ATG101: variants seen among roughly 807,000 people sequenced by gnomAD.
ATG101 encodes autophagy related 101.
In ATG101, 6 loss-of-function variants were observed where a neutral mutation model predicts 16.7. That is an observed-to-expected ratio of 0.36 (90% CI 0.20 to 0.71). The LOEUF (loss-of-function observed/expected upper bound fraction) is 0.71. Ranked by LOEUF, ATG101 falls within the 30% of genes least tolerant of loss-of-function variation. The pLI is 0.57. For synonymous variants in ATG101, 108 were observed against 118.1 expected, an observed-to-expected ratio of 0.91 and a Z score of 0.56; for missense variants, 200 against 292.5, an observed-to-expected ratio of 0.68 and a Z score of 2.31.
At chr12:52,068,922 C>A (rs1939584912), upstream of ATG101, among the ~76,000 whole-genome samples, 2 of 132,374 alleles carry the variant, frequency 1.5e-5, no homozygotes, top group South Asian at 5.1e-4. Context: ...ACCCAGGAGG[C>A]GGAGCTTGCA....
Position 52,077,404 on chromosome 12 carries a change from A to G in ATG101, c.*214A>G, listed in dbSNP as rs1939751781. The G allele has an allele frequency of 4.9e-6, 3 of 607,686 alleles. No individual in the cohort carries two copies. Among genetic ancestry groups the G allele is most frequent in the African/African-American group, 3.7e-5 (2 of 54,076 alleles). 37.6% of individuals were successfully genotyped at this position (607,686 alleles called of 1,614,324 possible). A position where few individuals can be genotyped will look rare whatever the true frequency, so the allele number is the denominator to read the frequency against. On this transcript the variant is annotated 3_prime_UTR_variant, in exon 4 of 4. Coordinates refer to ENST00000336854, the MANE Select transcript of ATG101 (RefSeq NM_021934.5). ...TCAGTCCTGCCTCTACTGTCTCTCC[A>G]TAGCCCTGGTGGGGTCCCCCTTCTT...
Position 52,074,003 on chromosome 12 carries a change from C to G in ATG101, c.252+101C>G, listed in dbSNP as rs1939693490. ...CAGCTTGGTGTTGAACCAGCCTTCT[C>G]TTCCTGAGTGCGTGAATCGGGTTCT... On this transcript the variant is annotated intron_variant, in intron 3 of 3. Transcript: ENST00000336854. The G allele has an allele frequency of 8.7e-6, 13 of 1,486,048 alleles. No homozygotes were observed. In the South Asian group the frequency reaches 1.6e-4, roughly 19 times the overall value. The allele number at this position is 1,486,048 out of a possible 1,614,324, so 92.1% of individuals were successfully genotyped here.
chr12:52,073,425 TC>T (rs1484742906), intron 2 of ATG101, 149 bp from the exon 3 acceptor site: 1 of 558,118 alleles, frequency 1.8e-6, no homozygotes, highest in East Asian at 3.0e-5. Context: ...CACTTTCTGA[TC>T]CTGAGACTTG....
rs1258304124 is a variant in ATG101, at chr12:52,070,346, G to A, written c.-206-8G>A. On this transcript the variant is annotated splice_region_variant and splice_polypyrimidine_tract_variant and intron_variant, in intron 1 of 3. Transcript: ENST00000336854. ...GGAGCCAAGTAAGTTTTCTGGTTTTGCTTTTAGCTGGTCTCTTGTGGCTCA... is the reference window on the plus strand; with the variant it reads ...GGAGCCAAGTAAGTTTTCTGGTTTTACTTTTAGCTGGTCTCTTGTGGCTCA... The A allele has an allele frequency of 1.3e-5, 2 of 152,458 alleles. No homozygotes were observed. Among genetic ancestry groups the A allele is most frequent in the Admixed American group, 1.3e-4 (2 of 15,290 alleles). The allele number at this position is 152,458 out of a possible 1,614,324, so 9.4% of individuals were successfully genotyped here. A position where few individuals can be genotyped will look rare whatever the true frequency, so the allele number is the denominator to read the frequency against.
rs1315981802 is a variant in ATG101, at chr12:52,076,792, C to G, written c.259C>G (p.Leu87Val). The G allele has an allele frequency of 6.2e-7, 1 of 1,613,550 alleles. No individual in the cohort carries two copies. Residue 87 changes from leucine (L) to valine (V), a missense_variant, in exon 4 of 4, where the codon CTG becomes GTG. Leu to Val is a conservative substitution (Grantham distance 32, BLOSUM62 1). Transcript: ENST00000336854. Reference protein sequence around the residue: ...RKVVGEFKDALRNSGGDGLGQ... With the variant: ...RKVVGEFKDAVRNSGGDGLGQ... ...TTCGTTCCCTTCTTCCCAGGATGCACTGCGCAACTCTGGTGGCGATGGGCT... is the reference window on the plus strand; with the variant it reads ...TTCGTTCCCTTCTTCCCAGGATGCAGTGCGCAACTCTGGTGGCGATGGGCT...
Position 52,076,895 on chromosome 12 carries a change from T to G in ATG101, c.362T>G (p.Val121Gly), listed in dbSNP as rs771014272. The G allele has an allele frequency of 1.2e-6, 2 of 1,614,116 alleles. No homozygotes were observed. ...PFSDECIPWE[V>G]WTVKVHVVAL... The stretch of plus-strand genomic sequence containing the variant: ...TCAGACGAGTGCATCCCATGGGAAG[T>G]GTGGACGGTCAAGGTGCATGTGGTA... Residue 121 changes from valine to glycine, a missense_variant, in exon 4 of 4, where the codon GTG becomes GGG. Transcript: ENST00000336854.
At chr12:52,071,236 A>G (rs910297077) in intron 2 of ATG101, 23 of 152,358 alleles carry the variant, frequency 1.5e-4, no homozygotes, top group African/African-American at 5.3e-4. Context: ...CAACAGTTTA[A>G]AAGGGGCAGA....
Position 52,077,150 on chromosome 12 carries a change from C to T in ATG101, c.617C>T (p.Thr206Ile), listed in dbSNP as rs1411824586. The stretch of plus-strand genomic sequence containing the variant: ...GATGCCCTGGGCACCTCAGTCACCA[C>T]CACCATGCGCAGGCTCATCAAAGAC... The part of the protein sequence containing the change: ...ITDALGTSVT[T>I]TMRRLIKDTL... The change falls in exon 4 of 4, where the codon ACC (threonine) becomes ATC (isoleucine). Residue 206 changes from threonine to isoleucine, a missense_variant. Transcript: ENST00000336854. 6.2e-7 allele frequency: 1 copy of T among 1,614,170 alleles called. No individual in the cohort carries two copies. The highest frequency in any genetic ancestry group is 8.5e-7 in the Non-Finnish European group (1 of 1,180,020).
chr12:52,073,036 C>A (rs1361292129), intron 2 of ATG101, among the ~76,000 whole-genome samples: 1 of 152,144 alleles, frequency 6.6e-6, no homozygotes, highest in African/African-American at 2.4e-5. Context: ...TCCCAAGTTG[C>A]TGGGATTAAT....
intron 3 of ATG101, among the ~76,000 whole-genome samples, chr12:52,075,664 G>A (rs1050648187): frequency 6.6e-6 from 1 of 152,228 alleles, no homozygotes; most frequent in Non-Finnish European, 1.5e-5. Flanking sequence ...CCTAGGAAGA[G>A]GAGTATGGGG....
At chr12:52,071,074 A>G (rs550961051) in intron 2 of ATG101, 9 of 152,252 alleles carry the variant, frequency 5.9e-5, no homozygotes, top group Non-Finnish European at 1.3e-4. Flanking sequence ...TATAAGCAGA[A>G]TATAGGAATT....
chr12:52,073,533 G>C (rs1249303272), intron 2 of ATG101, 42 bp from the exon 3 acceptor site: 6 of 1,295,572 alleles, frequency 4.6e-6, no homozygotes, highest in Non-Finnish European at 6.4e-6. Flanking sequence ...GATAACACGT[G>C]GACTATTCTT....
At position 52,077,313 on chromosome 12, in the gene ATG101, C is replaced by A; in HGVS notation, c.*123C>A. 8.8e-7 allele frequency: 1 copy of A among 1,131,662 alleles called. No individual in the cohort carries two copies. The highest frequency in any genetic ancestry group is 1.2e-6 in the Non-Finnish European group (1 of 812,794). The allele number at this position is 1,131,662 out of a possible 1,614,324, so 70.1% of individuals were successfully genotyped here. A position where few individuals can be genotyped will look rare whatever the true frequency, so the allele number is the denominator to read the frequency against. On this transcript the variant is annotated 3_prime_UTR_variant, in exon 4 of 4. Transcript: ENST00000336854. ...CATTGGTGAGACTTGGAAGGGGCAG[C>A]CCCCGCTGGCTTCTTGGTTTTGTGG...
chr12:52,073,946 A>C (rs1939691497), intron 3 of ATG101, 44 bp downstream of exon 3: 1 of 1,601,114 alleles, frequency 6.2e-7, no homozygotes, highest in Non-Finnish European at 8.5e-7. Context: ...GGCATAGCAG[A>C]TGGCAGGGGG....
At chr12:52,073,114 A>T (rs1022233824) in intron 2 of ATG101, among the ~76,000 whole-genome samples, 2 of 152,156 alleles carry the variant, frequency 1.3e-5, no homozygotes, top group African/African-American at 4.8e-5. Flanking sequence ...TTAGTGATGC[A>T]TTGACTCTTC....
Position 52,077,226 on chromosome 12 carries a change from C to A in ATG101, c.*36C>A, listed in dbSNP as rs755165570. ...ATCTCTGGGAGCTCCTTGATGGCTC[C>A]CAGACCTTGGCTTTTGGGAATTGCA... On this transcript the variant is annotated 3_prime_UTR_variant, in exon 4 of 4. Coordinates refer to ENST00000336854, the MANE Select transcript of ATG101 (RefSeq NM_021934.5). The A allele has an allele frequency of 1.3e-6, 2 of 1,594,596 alleles. No homozygotes were observed. The highest frequency in any genetic ancestry group is 1.7e-6 in the Non-Finnish European group (2 of 1,167,812).
chr12:52,065,457 G>A (rs187346739), upstream of ATG101, among the ~76,000 whole-genome samples: 1 of 152,308 alleles, frequency 6.6e-6, no homozygotes, highest in Non-Finnish European at 1.5e-5. Flanking sequence ...ATCATCAGAG[G>A]TAGGGGCATA....
chr12:52,067,169 G>T (rs1358940157), upstream of ATG101, among the ~76,000 whole-genome samples: 1 of 152,182 alleles, frequency 6.6e-6, no homozygotes, highest in Admixed American at 6.5e-5. Flanking sequence ...AGGTTTCGAA[G>T]AACTGAATGG....
intron 3 of ATG101, among the ~76,000 whole-genome samples, chr12:52,074,740 C>T (rs1305963186): frequency 6.6e-6 from 1 of 152,002 alleles, no homozygotes; most frequent in East Asian, 1.9e-4. Flanking sequence ...GGCCGGATTG[C>T]TTGAGCCCAG....
Sources: allele counts gnomAD v4.1 joint callset (sites outside exome capture counted in the v4.1 genomes callset), GRCh38; gene constraint gnomAD v4.1.1; transcripts MANE v1.5; gene names NCBI Gene and HGNC (gene_info 2026-07-23, HGNC 2026-07-21).